LPIN1: variants seen among roughly 807,000 people sequenced by gnomAD.
The protein encoded by LPIN1 is phosphatidate phosphatase LPIN1.
Under a neutral mutation model 107.5 loss-of-function variants are expected in LPIN1, and 71 were observed. The ratio of observed to expected loss-of-function variants is 0.66; its 90% CI spans 0.55 to 0.80. LPIN1 has a LOEUF of 0.80. Among genes scored for constraint, LPIN1 ranks in the 30% least tolerant of loss-of-function variants. The pLI is 0.00. For synonymous variants in LPIN1, 445 were observed against 452.6 expected (o/e 0.98, Z 0.21); for missense variants, 1,043 against 1,160.6 (o/e 0.90, Z 1.47).
At chr2:11,720,188 GC>G (rs998979708), upstream of LPIN1, among the ~76,000 whole-genome samples, 19 of 152,014 alleles carry the variant, frequency 1.2e-4, no homozygotes, top group Non-Finnish European at 2.6e-4. Context: ...ACCAGTATCT[GC>G]CTAGTTCATT....
intron 2 of LPIN1, among the ~76,000 whole-genome samples, chr2:11,714,840 CAG>C (rs758421021): frequency 1.3e-5 from 2 of 152,228 alleles, no homozygotes; most frequent in African/African-American, 2.4e-5. Flanking sequence ...GACACTGAAA[CAG>C]AGTGTGGACT....
Position 11,707,828 on chromosome 2 carries a change from G to A in LPIN1, c.82-5928G>A, listed in dbSNP as rs10209047. Among the ~76,000 whole-genome samples the A allele has an allele frequency of 0.15, 23,393 of 152,110 alleles. 1,992 individuals are homozygous for A. The highest frequency in any genetic ancestry group is 0.3 in the East Asian group (1,542 of 5,162). ...GGGATGGACCTTACCATTGAGCCAG[G>A]CATGATTACTTCCTTCAAATGACTC... On this transcript the variant is annotated intron_variant, in intron 1 of 21. Coordinates refer to the LPIN1 transcript ENST00000449576. The surrounding 1 kb of genome is among the most constrained non-coding windows in gnomAD (Gnocchi z 4.2).
At chr2:11,792,846 G>A (rs993650187) in intron 13 of LPIN1, among the ~76,000 whole-genome samples, 3 of 152,066 alleles carry the variant, frequency 2.0e-5, no homozygotes, top group Non-Finnish European at 2.9e-5. Flanking sequence ...TTCTTGAAGC[G>A]CTTGCTTTGC....
intron 1 of LPIN1, among the ~76,000 whole-genome samples, chr2:11,696,124 A>G (rs982318791): frequency 6.9e-6 from 1 of 145,700 alleles, no homozygotes; most frequent in Non-Finnish European, 1.5e-5. Context: ...TTACATAGGT[A>G]TACGTGTGCC....
In LPIN1 at chr2:11,774,039, A is replaced by C; in HGVS notation, c.722+294A>C. 6.6e-6 allele frequency among the ~76,000 whole-genome samples: 1 copy of C among 152,224 alleles called. No individual in the cohort carries two copies. The highest frequency in any genetic ancestry group is 1.9e-4 in the East Asian group (1 of 5,192). Reference sequence around the variant, plus strand: ...GCTAATTGTTAATAGGAGAAAACACAGTGGCAGAGCCTTTCTTGATACTTA... The same window carrying C: ...GCTAATTGTTAATAGGAGAAAACACCGTGGCAGAGCCTTTCTTGATACTTA... On this transcript the variant is annotated intron_variant, in intron 5 of 20. Transcript: ENST00000674199. This position sits in a 1 kb window ranked among gnomAD's most constrained non-coding sequence, Gnocchi z 4.4.
intron 1 of LPIN1, among the ~76,000 whole-genome samples, chr2:11,740,712 G>GAAAGA (rs944138418): frequency 8.6e-6 from 1 of 115,870 alleles, no homozygotes; most frequent in Non-Finnish European, 1.9e-5. Flanking sequence ...AAGGAAGAAA[G>GAAAGA]AAAGAAAAGA....
chr2:11,805,277 A>T, intron 17 of LPIN1, 121 bp downstream of exon 17: 1 of 793,468 alleles, frequency 1.3e-6, no homozygotes, highest in Non-Finnish European at 2.2e-6. Context: ...CACCTCAACC[A>T]GGGAGGGGCA....
chr2:11,755,718 T>TA (rs1423577453), intron 1 of LPIN1, among the ~76,000 whole-genome samples: 5 of 150,992 alleles, frequency 3.3e-5, no homozygotes, highest in Admixed American at 1.3e-4. Context: ...GCAAGACACT[T>TA]AGTTCTTTTT....
At chr2:11,693,645 C>T (rs1240558410) in intron 1 of LPIN1, among the ~76,000 whole-genome samples, 2 of 151,434 alleles carry the variant, frequency 1.3e-5, no homozygotes, top group Non-Finnish European at 2.9e-5. Flanking sequence ...CTCTCTGAGC[C>T]TCAATTTCCT....
chr2:11,792,056 G>A (rs748964307), intron 13 of LPIN1, 50 bp downstream of exon 13: 13 of 1,489,856 alleles, frequency 8.7e-6, no homozygotes, highest in Non-Finnish European at 1.2e-5. Context: ...TGTTGGTTTT[G>A]TGTAGTGAGA....
rs1050800 is a variant in LPIN1 at position 11,825,688 on chromosome 2, C to T, written c.*897C>T. ...AGTGTGGACTTGAGCACACTTATGC[C>T]AAATGATAATGATACTGACTTCTGT... On this transcript the variant is annotated 3_prime_UTR_variant, in exon 21 of 21. Transcript: ENST00000674199. The surrounding 1 kb of genome is among the most constrained non-coding windows in gnomAD (Gnocchi z 4.1). 0.12 allele frequency: 18,702 copies of T among 152,518 alleles called. 1,412 individuals carry two copies. The highest frequency in any genetic ancestry group is 0.22 in the East Asian group (1,137 of 5,170). The allele number at this position is 152,518 out of a possible 1,614,324, so 9.4% of individuals were successfully genotyped here.
At chr2:11,682,518 C>T (rs1157050776) in intron 1 of LPIN1, 1 of 152,474 alleles carries the variant, frequency 6.6e-6, no homozygotes, top group Non-Finnish European at 1.5e-5. Flanking sequence ...CAAATGCCTC[C>T]ATCTCCATAC....
intron 1 of LPIN1, among the ~76,000 whole-genome samples, chr2:11,750,813 C>T (rs530048823): frequency 1.4e-5 from 2 of 145,382 alleles, no homozygotes; most frequent in East Asian, 3.9e-4. Context: ...TAATAGTGCC[C>T]TGGAACACCC....
At chr2:11,802,462 G>A (rs1677922629) in intron 14 of LPIN1, among the ~76,000 whole-genome samples, 1 of 152,158 alleles carries the variant, frequency 6.6e-6, no homozygotes, top group Non-Finnish European at 1.5e-5. Flanking sequence ...GGCCCTAATT[G>A]CTTGGAGTTG....
chr2:11,713,822 G>C (rs1188612543), intron 2 of LPIN1: 1 of 1,499,490 alleles, frequency 6.7e-7, no homozygotes, highest in Non-Finnish European at 9.0e-7. Context: ...CGTGAGTGCC[G>C]CTGTGATAGA....
In LPIN1 at chr2:11,803,035, TG is replaced by T. The variant is rs758016583; in HGVS notation, c.2013+3del. 1.2e-6 allele frequency: 2 copies of T among 1,612,192 alleles called. No homozygotes were observed. Among genetic ancestry groups the T allele is most frequent in the Non-Finnish European group, 1.7e-6 (2 of 1,180,032 alleles). On this transcript the variant is annotated splice_donor_region_variant and intron_variant, in intron 15 of 20. Transcript: ENST00000674199. This position sits in a 1 kb window ranked among gnomAD's most constrained non-coding sequence, Gnocchi z 4.2. ...CTCCGGCTGACTTCCGAGCAGCTTG[TG>T]AGTCTCCCATGCTTGGCGCGGCTGT...
intron 12 of LPIN1, among the ~76,000 whole-genome samples, chr2:11,790,994 T>C (rs1675626982): frequency 6.6e-6 from 1 of 152,158 alleles, no homozygotes; most frequent in Non-Finnish European, 1.5e-5. Flanking sequence ...TTAAAAAAAA[T>C]GTGGTTTTGT....
chr2:11,755,644 G>T (rs763587575), intron 1 of LPIN1, among the ~76,000 whole-genome samples: 2 of 152,152 alleles, frequency 1.3e-5, no homozygotes, highest in African/African-American at 2.4e-5. Context: ...CTGGACAGCC[G>T]GGGGAGGAAA....
rs1394542902 is a variant in LPIN1, at chr2:11,707,087, C to T, written c.82-6669C>T. The stretch of plus-strand genomic sequence containing the variant: ...ACAGCACCTCTTAGAGCCTGTTACA[C>T]GTGAGGCATTATCACAGGTGCTGGG... On this transcript the variant is annotated intron_variant, in intron 1 of 21. Transcript: ENST00000449576. The surrounding 1 kb of genome is among the most constrained non-coding windows in gnomAD (Gnocchi z 4.2). Among the ~76,000 whole-genome samples the T allele has an allele frequency of 6.6e-6, 1 of 151,890 alleles. No individual in the cohort carries two copies. Among genetic ancestry groups the T allele is most frequent in the Admixed American group, 6.6e-5 (1 of 15,232 alleles).
Sources: gnomAD v4.1 joint callset for allele counts (sites outside exome capture counted in the v4.1 genomes callset) on GRCh38, gnomAD v4.1.1 for gene constraint, Gnocchi (gnomAD v3.1) non-coding constraint, MANE v1.5 for transcripts, NCBI Gene and HGNC (gene_info 2026-07-23, HGNC 2026-07-21) for gene names.